The following MCF2L2 variants were observed in gnomAD, a reference collection of about 807,000 sequenced individuals.
MCF2L2 encodes probable guanine nucleotide exchange factor MCF2L2.
A neutral mutation model predicts 150.2 loss-of-function variants in MCF2L2; 102 were observed. That is an observed-to-expected ratio of 0.68 (90% CI 0.58 to 0.80). The LOEUF (loss-of-function observed/expected upper bound fraction) is 0.80. Among genes scored for constraint, MCF2L2 ranks in the 30% least tolerant of loss-of-function variants. The pLI, the probability that MCF2L2 is intolerant of heterozygous loss-of-function variation, is 0.00. For missense variants in MCF2L2, 1,256 were observed against 1,372.8 expected, an observed-to-expected ratio of 0.91 and a Z score of 1.34; for synonymous variants, 465 against 491.3, an observed-to-expected ratio of 0.95 and a Z score of 0.71.
intron 1 of MCF2L2, among the ~76,000 whole-genome samples, chr3:183,396,736 ATAAT>A (rs1417750663): frequency 6.6e-6 from 1 of 152,202 alleles, no homozygotes; most frequent in Non-Finnish European, 1.5e-5. Context: ...AACAATAATA[ATAAT>A]TATTATTATT....
Position 183,229,737 on chromosome 3 carries a change from A to T in MCF2L2, c.1974T>A (p.Ile658=), listed in dbSNP as rs552500927. ...PMDFIWLKHL[I]PDVLQNNKDF... is the part of the protein sequence containing the mutation. ...CCTTGTTATTCTGAAGAACATCTGG[A>T]ATTAGATGCTTTAGCCAAATAAAAT... Residue 658 remains isoleucine, a synonymous_variant, in exon 17 of 30, where the codon ATT becomes ATA. Transcript: ENST00000328913. The T allele has an allele frequency of 1.1e-5, 18 of 1,604,930 alleles. No homozygotes were observed. In the South Asian group the frequency reaches 1.8e-4, roughly 16 times the overall value.
chr3:183,357,030 C>T (rs1465411504), intron 3 of MCF2L2, among the ~76,000 whole-genome samples: 1 of 151,922 alleles, frequency 6.6e-6, no homozygotes, highest in Non-Finnish European at 1.5e-5. Context: ...GATAACAAAT[C>T]AGTGATCTGA....
At chr3:183,222,490 C>T (rs911730475) in intron 20 of MCF2L2, among the ~76,000 whole-genome samples, 6 of 151,960 alleles carry the variant, frequency 3.9e-5, no homozygotes, top group African/African-American at 1.5e-4. Flanking sequence ...GCAGAGGTTG[C>T]AGTGAACTGA....
chr3:183,370,471 A>G (rs1360076605), intron 3 of MCF2L2, among the ~76,000 whole-genome samples: 1 of 152,278 alleles, frequency 6.6e-6, no homozygotes, highest in African/African-American at 2.4e-5. Flanking sequence ...TACAATCATT[A>G]GCACTCATAA....
intron 1 of MCF2L2, among the ~76,000 whole-genome samples, chr3:183,396,640 T>C (rs751647026): frequency 1.4e-4 from 22 of 152,216 alleles, no homozygotes; most frequent in Admixed American, 9.8e-4. Context: ...TAATGACTTA[T>C]GGATTCTGTA....
chr3:183,360,751 C>T (rs1232861147), intron 3 of MCF2L2, among the ~76,000 whole-genome samples: 3 of 151,932 alleles, frequency 2.0e-5, no homozygotes, highest in African/African-American at 7.3e-5. Context: ...GGGTGGATCA[C>T]CTGAGGTCAG....
chr3:183,375,066 T>C (rs1713118716), intron 3 of MCF2L2: 1 of 149,652 alleles, frequency 6.7e-6, no homozygotes, highest in African/African-American at 2.5e-5. Flanking sequence ...ACAATATATG[T>C]TTTCAAAAAA....
chr3:183,316,068 AC>A (rs1260633539), intron 7 of MCF2L2, among the ~76,000 whole-genome samples: 1 of 152,152 alleles, frequency 6.6e-6, no homozygotes, highest in African/African-American at 2.4e-5. Flanking sequence ...CACCAACAGG[AC>A]CACTCTGCAG....
At position 183,267,562 on chromosome 3, in the gene MCF2L2, A is replaced by C. The variant is rs917808011; in HGVS notation, c.1862+9310T>G. On this transcript the variant is annotated intron_variant, in intron 15 of 29. Transcript: ENST00000328913. The surrounding 1 kb of genome is among the most constrained non-coding windows in gnomAD (Gnocchi z 5.5). ...GACTTGAGAACAGATCTCTGGGCACAAAGCAGGGCCTTTGCCCTGGGGCTT... is the reference window on the plus strand; with the variant it reads ...GACTTGAGAACAGATCTCTGGGCACCAAGCAGGGCCTTTGCCCTGGGGCTT... Among the ~76,000 whole-genome samples the C allele has an allele frequency of 6.6e-6, 1 of 152,230 alleles. No homozygotes were observed. The highest frequency in any genetic ancestry group is 1.5e-5 in the Non-Finnish European group (1 of 68,040).
At chr3:183,402,323 G>A (rs116396850) in intron 1 of MCF2L2, among the ~76,000 whole-genome samples, 6 of 151,432 alleles carry the variant, frequency 4.0e-5, no homozygotes, top group African/African-American at 1.5e-4. Flanking sequence ...GGTTTTTCCC[G>A]GGTGCCTGTA....
chr3:183,271,986 G>C (rs1360920530), intron 15 of MCF2L2: 1 of 295,888 alleles, frequency 3.4e-6, no homozygotes, highest in Admixed American at 6.5e-5. Flanking sequence ...CAAGTTCAGA[G>C]TTTTAAATTG....
chr3:183,312,236 C>G (rs1165358748), intron 7 of MCF2L2, among the ~76,000 whole-genome samples: 2 of 152,194 alleles, frequency 1.3e-5, no homozygotes, highest in Non-Finnish European at 2.9e-5. Context: ...CTCCCTCCAC[C>G]TGCCAACCAA....
intron 13 of MCF2L2, among the ~76,000 whole-genome samples, chr3:183,293,712 G>C (rs1451703569): frequency 6.6e-6 from 1 of 152,068 alleles, no homozygotes; most frequent in Admixed American, 6.5e-5. Flanking sequence ...TTGTAGTGGA[G>C]GTCCCAGTCA....
At chr3:183,240,164 C>T (rs962207569) in intron 15 of MCF2L2, among the ~76,000 whole-genome samples, 1 of 152,208 alleles carries the variant, frequency 6.6e-6, no homozygotes, top group African/African-American at 2.4e-5. Flanking sequence ...TTAGTGCACT[C>T]ATAGAATCTC....
chr3:183,252,151 A>G (rs891165250), intron 15 of MCF2L2, among the ~76,000 whole-genome samples: 3 of 151,812 alleles, frequency 2.0e-5, no homozygotes, highest in Admixed American at 6.6e-5. Context: ...ATCTGAAAGG[A>G]ATATAATTGT....
At position 183,259,874 on chromosome 3, in the gene MCF2L2, G is replaced by A. The variant is rs924049370; in HGVS notation, c.1862+16998C>T. Among the ~76,000 whole-genome samples, 13 of 152,164 alleles carry A rather than the reference G, an allele frequency of 8.5e-5. 1 individual carries two copies. On this transcript the variant is annotated intron_variant, in intron 15 of 29. Transcript: ENST00000328913. ...GAAGGAGGGAAAACTGAAATGGAAG[G>A]TTTGAAAAAGAGTGTGTTAGTGAAG...
chr3:183,389,585 T>G (rs1714025404), intron 2 of MCF2L2, 111 bp downstream of exon 2: 1 of 906,216 alleles, frequency 1.1e-6, no homozygotes, highest in African/African-American at 1.6e-5. Flanking sequence ...GGGTGAAGCC[T>G]AAGGGGTGAG....
At chr3:183,368,909 A>T (rs1712696718) in intron 3 of MCF2L2, among the ~76,000 whole-genome samples, 1 of 152,236 alleles carries the variant, frequency 6.6e-6, no homozygotes, top group Non-Finnish European at 1.5e-5. Flanking sequence ...TGAGGATGAT[A>T]ATCTTTATGA....
At chr3:183,365,902 G>C (rs988827648) in intron 3 of MCF2L2, among the ~76,000 whole-genome samples, 7 of 151,796 alleles carry the variant, frequency 4.6e-5, no homozygotes, top group Non-Finnish European at 1.0e-4. Flanking sequence ...AAAAAAATGA[G>C]AGAAAAATAA....
Sources: allele counts gnomAD v4.1 joint callset (sites outside exome capture counted in the v4.1 genomes callset), GRCh38; gene constraint gnomAD v4.1.1; non-coding constraint Gnocchi (gnomAD v3.1); transcripts MANE v1.5; gene names NCBI Gene and HGNC (gene_info 2026-07-23, HGNC 2026-07-21).